Variants in TJP1 observed in about 807,000 individuals in gnomAD.
TJP1 encodes tight junction protein 1, also known as tight junction protein ZO-1.
TJP1 carries 43 observed loss-of-function variants against 194.2 expected under a neutral mutation model. The ratio of observed to expected loss-of-function variants is 0.22; its 90% CI spans 0.17 to 0.29. The LOEUF (loss-of-function observed/expected upper bound fraction) is 0.29. TJP1 is among the 10% of genes least tolerant of loss of function. The pLI is 1.00. For missense variants in TJP1, 1,971 were observed against 2,185.7 expected (o/e 0.90, Z 1.96); for synonymous variants, 801 against 779.0 (o/e 1.03, Z -0.47).
intron 2 of TJP1, among the ~76,000 whole-genome samples, chr15:29,856,579 A>T (rs921916810): frequency 2.0e-5 from 3 of 152,214 alleles, no homozygotes; most frequent in Admixed American, 6.5e-5. Flanking sequence ...AAGATTTAAA[A>T]ATAGAAAATA....
chr15:29,764,417 G>C (rs557090526), intron 5 of TJP1, among the ~76,000 whole-genome samples: 1 of 152,260 alleles, frequency 6.6e-6, no homozygotes, highest in Admixed American at 6.5e-5. Flanking sequence ...CTGAGACTGA[G>C]AACTAATAAA....
At chr15:29,791,308 T>C (rs945407925) in intron 2 of TJP1, among the ~76,000 whole-genome samples, 24 of 151,906 alleles carry the variant, frequency 1.6e-4, no homozygotes, top group Admixed American at 1.4e-3. Context: ...ATTACAGGCA[T>C]GAGCCACCGC....
At chr15:29,883,277 T>C (rs1295319696) in intron 2 of TJP1, among the ~76,000 whole-genome samples, 1 of 147,870 alleles carries the variant, frequency 6.8e-6, no homozygotes, top group Non-Finnish European at 1.5e-5. Context: ...GTCCGTTTCC[T>C]GCAGCCCTGG....
intron 1 of TJP1, among the ~76,000 whole-genome samples, chr15:29,956,799 G>T (rs760687011): frequency 9.9e-5 from 15 of 152,090 alleles, no homozygotes; most frequent in Admixed American, 1.3e-4. Flanking sequence ...TGAGGTGGGA[G>T]GATTGCTTGA....
chr15:29,946,385 A>G (rs188183185), intron 2 of TJP1, among the ~76,000 whole-genome samples: 3 of 152,344 alleles, frequency 2.0e-5, no homozygotes, highest in East Asian at 1.9e-4. Flanking sequence ...ATCTTGAAAC[A>G]TCTCACCACA....
rs78096732 is a variant in TJP1, at chr15:29,731,987, T to C, written c.2017+446A>G. The C allele has an allele frequency of 5.0e-3, 828 of 167,206 alleles. 41 individuals carry two copies. The East Asian group carries it at 0.12, about 24-fold the overall frequency. 10.4% of individuals were successfully genotyped at this position (167,206 alleles called of 1,614,324 possible). On this transcript the variant is annotated intron_variant, in intron 15 of 27. Coordinates refer to ENST00000614355, the MANE Select transcript of TJP1 (RefSeq NM_001330239.4). Reference sequence around the variant, plus strand: ...ACTATTTGTGTATTTGTCAGTTTAATGACTAAAAGAGCTGGAATGGAGCAA... The same window carrying C: ...ACTATTTGTGTATTTGTCAGTTTAACGACTAAAAGAGCTGGAATGGAGCAA...
At chr15:29,857,036 C>A (rs2051882690) in intron 2 of TJP1, among the ~76,000 whole-genome samples, 2 of 152,108 alleles carry the variant, frequency 1.3e-5, no homozygotes, top group South Asian at 4.1e-4. Context: ...AGGTCATATG[C>A]AAATATTATT....
At chr15:29,840,128 A>T (rs1173619441) in intron 2 of TJP1, among the ~76,000 whole-genome samples, 1 of 152,080 alleles carries the variant, frequency 6.6e-6, no homozygotes, top group African/African-American at 2.4e-5. Context: ...GTCTTTATAT[A>T]TTTATGTGCA....
At chr15:29,901,237 T>C (rs1270299941) in intron 2 of TJP1, among the ~76,000 whole-genome samples, 2 of 152,212 alleles carry the variant, frequency 1.3e-5, no homozygotes, top group East Asian at 3.9e-4. Context: ...TCCTGAGATG[T>C]AGGCACGACA....
At chr15:29,948,248 A>G (rs547052354) in intron 2 of TJP1, among the ~76,000 whole-genome samples, 102 of 144,872 alleles carry the variant, frequency 7.0e-4, no homozygotes, top group Middle Eastern at 3.5e-3. Context: ...GCAACAGAGC[A>G]ACACTCCATC....
intron 2 of TJP1, among the ~76,000 whole-genome samples, chr15:29,894,561 T>C (rs1408559495): frequency 3.3e-5 from 5 of 152,202 alleles, no homozygotes; most frequent in Admixed American, 6.5e-5. Flanking sequence ...ATAGGCTGGG[T>C]AGGCTCTGGG....
chr15:29,736,295 G>C (rs992086534), intron 11 of TJP1, among the ~76,000 whole-genome samples: 1 of 152,036 alleles, frequency 6.6e-6, no homozygotes, highest in Non-Finnish European at 1.5e-5. Flanking sequence ...AAGTTAAACA[G>C]CAAAAAAGGA....
At chr15:29,962,466 C>G (rs1224107657) in intron 1 of TJP1, among the ~76,000 whole-genome samples, 1 of 152,220 alleles carries the variant, frequency 6.6e-6, no homozygotes, top group Non-Finnish European at 1.5e-5. Flanking sequence ...AAGGACAAAT[C>G]TATCAACAAA....
intron 1 of TJP1, among the ~76,000 whole-genome samples, chr15:29,962,195 TC>T (rs1343529162): frequency 1.3e-5 from 2 of 152,180 alleles, no homozygotes; most frequent in East Asian, 3.9e-4. Context: ...TCTGCAACCA[TC>T]CCTCCCACAC....
At chr15:29,968,641 G>T (rs1043192386) in intron 1 of TJP1, 11 of 1,024,038 alleles carry the variant, frequency 1.1e-5, no homozygotes, top group Non-Finnish European at 1.3e-5. Flanking sequence ...CCCGGCTGGG[G>T]CTCCGCGCCC....
chr15:29,968,191 C>T, intron 1 of TJP1: 1 of 985,438 alleles, frequency 1.0e-6, no homozygotes. Flanking sequence ...AACTTATTCC[C>T]CTTGCCTTGC....
intron 2 of TJP1, among the ~76,000 whole-genome samples, chr15:29,923,663 G>A (rs1404031349): frequency 6.6e-6 from 1 of 152,114 alleles, no homozygotes; most frequent in Non-Finnish European, 1.5e-5. Context: ...GGTAGTAGGG[G>A]GTGACAGCTG....
At chr15:29,944,237 C>T (rs1567219159) in intron 2 of TJP1, among the ~76,000 whole-genome samples, 2 of 151,922 alleles carry the variant, frequency 1.3e-5, no homozygotes, top group East Asian at 2.0e-4. Context: ...GGATTACAGG[C>T]GCCCGCCACC....
rs1567225513 is a variant in TJP1, at chr15:29,949,594, AACCACCACCTCCACCTTCACC to A, written c.306+6617_306+6637del. ...CCACAACCACCACCTCCACCTCCAC[AACCACCACCTCCACCTTCACC>A]ACCACCACCTCCACCTCCACCACCT... On this transcript the variant is annotated intron_variant, in intron 2 of 28. Coordinates refer to the TJP1 transcript ENST00000356107. Among the ~76,000 whole-genome samples, 56 of 11,636 alleles carry A rather than the reference AACCACCACCTCCACCTTCACC, an allele frequency of 4.8e-3. 1 individual carries two copies. Among genetic ancestry groups the A allele is most frequent in the African/African-American group, 0.017 (55 of 3,256 alleles). The allele number at this position is 11,636 out of a possible 152,430, so 7.6% of individuals were successfully genotyped here.
Sources: allele counts gnomAD v4.1 joint callset (sites outside exome capture counted in the v4.1 genomes callset), GRCh38; gene constraint gnomAD v4.1.1; transcripts MANE v1.5; gene names NCBI Gene and HGNC (gene_info 2026-07-23, HGNC 2026-07-21).